DPH7: variants seen among roughly 807,000 people sequenced by gnomAD.
DPH7 encodes the protein diphthine methyltransferase.
Under a neutral mutation model 41.7 loss-of-function variants are expected in DPH7, and 44 were observed. The observed-to-expected ratio is 1.05, with a 90% CI of 0.83 to 1.36. The LOEUF (loss-of-function observed/expected upper bound fraction) is 1.36. Ranked by LOEUF, DPH7 falls within the 40% of genes most tolerant of loss-of-function variation. The pLI, the probability that DPH7 is intolerant of heterozygous loss-of-function variation, is 0.00. For missense variants in DPH7, 629 were observed against 577.5 expected, an observed-to-expected ratio of 1.09 and a Z score of -0.91; for synonymous variants, 275 against 238.0, an observed-to-expected ratio of 1.16 and a Z score of -1.43.
rs187238422 is a variant in DPH7 at position 137,561,205 on chromosome 9, A to C, written c.949+3229T>G. 7.9e-4 allele frequency among the ~76,000 whole-genome samples: 120 copies of C among 152,250 alleles called. 1 individual carries two copies. Among genetic ancestry groups the C allele is most frequent in the Admixed American group, 2.6e-3 (40 of 15,274 alleles). ...AGAGGAAAATAGTATCTCTTCAGTG[A>C]AGGGATTGGGGCAAACACCACCTTA... On this transcript the variant is annotated intron_variant, in intron 8 of 8. Transcript: ENST00000277540.
chr9:137,562,210 C>G (rs1838748703), intron 8 of DPH7, among the ~76,000 whole-genome samples: 1 of 152,120 alleles, frequency 6.6e-6, no homozygotes, highest in Non-Finnish European at 1.5e-5. Flanking sequence ...CAGTAAGGAA[C>G]CAGAAGATCT....
At chr9:137,576,029 CCTCT>C (rs1841321241) in intron 3 of DPH7, 47 bp downstream of exon 3, 3 of 1,610,366 alleles carry the variant, frequency 1.9e-6, no homozygotes, top group Non-Finnish European at 2.5e-6. Flanking sequence ...CCTCCCCAAC[CCTCT>C]CTATTCAGGT....
intron 8 of DPH7, among the ~76,000 whole-genome samples, chr9:137,559,680 C>T (rs1838169933): frequency 6.6e-6 from 1 of 152,232 alleles, no homozygotes; most frequent in Non-Finnish European, 1.5e-5. Context: ...CTCTCTCTCT[C>T]CTCTCCCTCT....
Position 137,554,983 on chromosome 9 carries a change from C to A in DPH7, c.*256G>T. ...TGAAAGTCAAAATCTGCCTGAGAAA[C>A]TTAACAAATCTGCAAGCTGGAAACC... is the stretch of plus-strand genomic sequence containing the variant. On this transcript the variant is annotated 3_prime_UTR_variant, in exon 9 of 9. Transcript: ENST00000277540. 2.5e-6 allele frequency: 1 copy of A among 399,806 alleles called. No homozygotes were observed. The highest frequency in any genetic ancestry group is 4.4e-6 in the Non-Finnish European group (1 of 228,780). The allele number at this position is 399,806 out of a possible 1,614,324, so 24.8% of individuals were successfully genotyped here. A position where few individuals can be genotyped will look rare whatever the true frequency, so the allele number is the denominator to read the frequency against.
intron 1 of DPH7, 139 bp downstream of exon 1, chr9:137,578,486 G>A: frequency 9.3e-7 from 1 of 1,075,768 alleles, no homozygotes; most frequent in Non-Finnish European, 1.2e-6. Flanking sequence ...TTTTTAAAAA[G>A]ATTCTAAACT....
In DPH7 at chr9:137,554,464, T is replaced by C. The variant is rs1293591739; in HGVS notation, c.*775A>G. Among the ~76,000 whole-genome samples the C allele has an allele frequency of 2.0e-5, 3 of 152,174 alleles. No homozygotes were observed. The highest frequency in any genetic ancestry group is 7.2e-5 in the African/African-American group (3 of 41,428). ...CTCAATTATTGTTTATACAATTTTT[T>C]ATTATTTAATTTTTAGAGATAAGAG... On this transcript the variant is annotated 3_prime_UTR_variant, in exon 9 of 9. Transcript: ENST00000277540.
At chr9:137,576,056 A>G in intron 3 of DPH7, 24 bp downstream of exon 3, 1 of 1,613,722 alleles carries the variant, frequency 6.2e-7, no homozygotes, top group East Asian at 2.2e-5. Context: ...CTTCTGCCCC[A>G]CAGAACAAGT....
chr9:137,564,998 C>A (rs1170538644), intron 6 of DPH7, 40 bp from the exon 7 acceptor site: 3 of 1,603,506 alleles, frequency 1.9e-6, no homozygotes. Flanking sequence ...GTCCAGCACA[C>A]AGACCCACCC....
At chr9:137,564,829 C>T (rs1432453545) in intron 7 of DPH7, 64 bp downstream of exon 7, 5 of 1,538,428 alleles carry the variant, frequency 3.3e-6, no homozygotes, top group South Asian at 2.3e-5. Flanking sequence ...GGAAGAAGGG[C>T]CCAGGAGCCC....
intron 2 of DPH7, among the ~76,000 whole-genome samples, chr9:137,576,986 C>G (rs1220402296): frequency 6.7e-6 from 1 of 150,106 alleles, no homozygotes; most frequent in African/African-American, 2.5e-5. Flanking sequence ...CCCAGGAGTT[C>G]AAGGCTGCAG....
At chr9:137,573,421 G>A (rs1362561397) in intron 5 of DPH7, among the ~76,000 whole-genome samples, 9 of 143,088 alleles carry the variant, frequency 6.3e-5, no homozygotes, top group African/African-American at 2.1e-4. Context: ...GCTCACACCT[G>A]TAATCCCAGC....
intron 8 of DPH7, among the ~76,000 whole-genome samples, chr9:137,561,809 G>A (rs1353644079): frequency 6.6e-6 from 1 of 152,154 alleles, no homozygotes; most frequent in Non-Finnish European, 1.5e-5. Flanking sequence ...AAAACTGATG[G>A]AAACGAGGCT....
At chr9:137,573,220 G>A (rs1433012458) in intron 5 of DPH7, among the ~76,000 whole-genome samples, 2 of 151,254 alleles carry the variant, frequency 1.3e-5, no homozygotes, top group Non-Finnish European at 2.9e-5. Context: ...AATTAGCCGG[G>A]CGTGGTGGCG....
At chr9:137,559,250 T>C (rs1361108003) in intron 8 of DPH7, among the ~76,000 whole-genome samples, 1 of 151,870 alleles carries the variant, frequency 6.6e-6, no homozygotes, top group African/African-American at 2.4e-5. Flanking sequence ...AAGACAAGAG[T>C]GCGAGCCTTC....
At chr9:137,555,889 A>G (rs964469728) in intron 8 of DPH7, among the ~76,000 whole-genome samples, 1 of 152,252 alleles carries the variant, frequency 6.6e-6, no homozygotes, top group African/African-American at 2.4e-5. Context: ...AAGCGGGGCT[A>G]CAGAACCTCA....
At chr9:137,563,180 C>G (rs913919938) in intron 8 of DPH7, among the ~76,000 whole-genome samples, 1 of 151,140 alleles carries the variant, frequency 6.6e-6, no homozygotes, top group African/African-American at 2.4e-5. Flanking sequence ...ATACAAAGCA[C>G]ATTCACAGAA....
rs113640885 is a variant in DPH7, at chr9:137,565,372, T to C, written c.641-218A>G. ...GGAAGCTCCCCTGGGTGACTCTGTC[T>C]GTGAGGAAGCTCCCCTGGGTGACTC... is the stretch of plus-strand genomic sequence containing the variant. On this transcript the variant is annotated intron_variant, in intron 5 of 8. Transcript: ENST00000277540. 84 of 115,066 alleles carry C rather than the reference T, an allele frequency of 7.3e-4. 1 individual carries two copies. The East Asian group carries it at 8.1e-3, about 11-fold the overall frequency. The allele number at this position is 115,066 out of a possible 1,614,324, so 7.1% of individuals were successfully genotyped here. A position where few individuals can be genotyped will look rare whatever the true frequency, so the allele number is the denominator to read the frequency against.
Position 137,576,130 on chromosome 9 carries a change from A to G in DPH7, c.325T>C (p.Leu109=), listed in dbSNP as rs758650403. 1 of 1,613,882 alleles carries G rather than the reference A, an allele frequency of 6.2e-7. No individual in the cohort carries two copies. Among genetic ancestry groups the G allele is most frequent in the Admixed American group, 1.7e-5 (1 of 60,030 alleles). Residue 109 remains leucine (L), a synonymous_variant, in exon 3 of 9, where the codon TTG becomes CTG. Coordinates refer to ENST00000277540, the MANE Select transcript of DPH7 (RefSeq NM_138778.5). The part of the protein sequence containing the change: ...IPVAGHALLG[L]ADASGSIQLL... Reference sequence around the variant, plus strand: ...TGTATGGATCCACTGGCATCTGCCAAGCCCAAGAGGGCATGTCCAGCCACC... The same window carrying G: ...TGTATGGATCCACTGGCATCTGCCAGGCCCAAGAGGGCATGTCCAGCCACC...
chr9:137,565,284 T>C, intron 5 of DPH7, 130 bp from the exon 6 acceptor site: 1 of 643,406 alleles, frequency 1.6e-6, no homozygotes, highest in Non-Finnish European at 2.5e-6. Context: ...GGTGACTCTG[T>C]CTGTGAGGAA....
Sources: allele counts gnomAD v4.1 joint callset (sites outside exome capture counted in the v4.1 genomes callset), GRCh38; gene constraint gnomAD v4.1.1; transcripts MANE v1.5; gene names NCBI Gene and HGNC (gene_info 2026-07-23, HGNC 2026-07-21).